The following MACF1 variants were observed in gnomAD, a reference collection of about 807,000 sequenced individuals.
The protein encoded by MACF1 is microtubule-actin cross-linking factor 1.
A neutral mutation model predicts 854.8 loss-of-function variants in MACF1; 193 were observed. The ratio of observed to expected loss-of-function variants is 0.23; its 90% CI spans 0.20 to 0.25. The LOEUF (loss-of-function observed/expected upper bound fraction) is 0.25, where lower values mean the gene tolerates loss of function less well. Ranked by LOEUF, MACF1 falls within the 10% of genes least tolerant of loss-of-function variation. The pLI, the probability that MACF1 is intolerant of heterozygous loss-of-function variation, is 1.00. For missense variants in MACF1, 7,722 were observed against 8,929.1 expected, an observed-to-expected ratio of 0.86 and a Z score of 5.45; for synonymous variants, 3,185 against 3,226.7, an observed-to-expected ratio of 0.99 and a Z score of 0.44.
chr1:39,319,490 C>G (rs944602572), intron 30 of MACF1, among the ~76,000 whole-genome samples, 174 bp from the exon 31 acceptor site: 1 of 152,272 alleles, frequency 6.6e-6, no homozygotes, highest in African/African-American at 2.4e-5. Context: ...TGAACCCAAA[C>G]CCACTGAACC....
At chr1:39,413,016 T>C (rs1187620288) in intron 58 of MACF1, 2 of 1,583,280 alleles carry the variant, frequency 1.3e-6, no homozygotes, top group Non-Finnish European at 8.6e-7. Flanking sequence ...TATCTGTCCC[T>C]GAAGGGACTG....
intron 82 of MACF1, 27 bp downstream of exon 82, chr1:39,447,925 T>C: frequency 1.2e-6 from 2 of 1,613,102 alleles, no homozygotes; most frequent in Non-Finnish European, 1.7e-6. Flanking sequence ...AGATACTAAT[T>C]CACTGAAGAG....
chr1:39,267,792 C>T (rs1445706745), intron 6 of MACF1, among the ~76,000 whole-genome samples: 1 of 152,162 alleles, frequency 6.6e-6, no homozygotes, highest in East Asian at 1.9e-4. Context: ...CACTCATTTA[C>T]TGTACTCAAA....
intron 2 of MACF1, among the ~76,000 whole-genome samples, chr1:39,238,670 G>A (rs1053578600): frequency 1.3e-5 from 2 of 152,206 alleles, no homozygotes; most frequent in Non-Finnish European, 1.5e-5. Context: ...GAAGCTCAGG[G>A]AGGGAGAAGC....
chr1:39,360,829 G>T lies in MACF1; in HGVS notation c.12281G>T (p.Ser4094Ile), dbSNP rs1324543243. 1.9e-6 allele frequency: 3 copies of T among 1,613,704 alleles called. No individual in the cohort carries two copies. The highest frequency in any genetic ancestry group is 1.7e-5 in the Admixed American group (1 of 59,964). Residue 4094 changes from serine to isoleucine, a missense_variant, in exon 48 of 101, where the codon AGC (serine) becomes ATC (isoleucine). Coordinates refer to ENST00000564288, the MANE Select transcript of MACF1 (RefSeq NM_001394062.1). ...ILSHFQSLSY[S>I]LAERSSLLQK... ...AGCCACTTCCAAAGCCTCTCCTATA[G>T]CCTGGCTGAGCGATCTTCTCTGCTG...
Position 39,472,399 on chromosome 1 carries a change from C to G in MACF1, c.21958+2784C>G, listed in dbSNP as rs867877987. Among the ~76,000 whole-genome samples the G allele has an allele frequency of 2.0e-5, 3 of 152,250 alleles. No individual in the cohort carries two copies. The South Asian group carries it at 6.2e-4, about 32-fold the overall frequency. On this transcript the variant is annotated intron_variant, in intron 97 of 100. Transcript: ENST00000564288. ...CTCCAGAAATCAATTTTCACAGCTT[C>G]CAACTGTTTATTGTTTGTTGTCGCC...
chr1:39,411,620 C>T, intron 58 of MACF1: 2 of 1,613,820 alleles, frequency 1.2e-6, no homozygotes, highest in Non-Finnish European at 1.7e-6. Context: ...ACTGTGGGTA[C>T]TATTGATGCA....
intron 34 of MACF1, 25 bp from the exon 35 acceptor site, chr1:39,324,621 T>G: frequency 6.4e-7 from 1 of 1,569,932 alleles, no homozygotes. Context: ...TTTTGAAGCT[T>G]TTTCTCTTTA....
intron 49 of MACF1, among the ~76,000 whole-genome samples, chr1:39,362,880 G>A (rs563600781): frequency 2.0e-4 from 31 of 152,172 alleles, no homozygotes; most frequent in African/African-American, 7.0e-4. Context: ...TAGTCTCAAC[G>A]CAACACCATA....
chr1:39,302,540 G>A (rs367572524), intron 22 of MACF1, among the ~76,000 whole-genome samples: 268 of 152,268 alleles, frequency 1.8e-3, no homozygotes, highest in African/African-American at 5.8e-3. Context: ...TGGGATGATA[G>A]GAAGTAGGGA....
At chr1:39,303,887 AAAG>A (rs1646107490) in intron 23 of MACF1, among the ~76,000 whole-genome samples, 2 of 152,026 alleles carry the variant, frequency 1.3e-5, no homozygotes, top group Admixed American at 6.6e-5. Context: ...AAAAAAAAAA[AAAG>A]GTTGATTTTT....
chr1:39,264,662 C>CTTTTTTT (rs35145613), intron 6 of MACF1, among the ~76,000 whole-genome samples: 1 of 81,646 alleles, frequency 1.2e-5, no homozygotes, highest in African/African-American at 4.5e-5. Context: ...GATAGGATTT[C>CTTTTTTT]TTTTTTTTTT....
At chr1:39,215,599 G>C (rs911531440) in intron 1 of MACF1, among the ~76,000 whole-genome samples, 8 of 152,088 alleles carry the variant, frequency 5.3e-5, no homozygotes, top group Non-Finnish European at 1.2e-4. Context: ...CTACTTCCTG[G>C]GGAACTTCTT....
Position 39,486,255 on chromosome 1 carries a change from G to A in MACF1, c.*461G>A, listed in dbSNP as rs1297430538. On this transcript the variant is annotated 3_prime_UTR_variant, in exon 101 of 101. Coordinates refer to ENST00000564288, the MANE Select transcript of MACF1 (RefSeq NM_001394062.1). ...AGGAACTCTTTTTTTGTAAATCACG[G>A]ACACCTCAATTAGCAAGAACTGAGG... 1 of 152,644 alleles carries A rather than the reference G, an allele frequency of 6.6e-6. No homozygotes were observed. The highest frequency in any genetic ancestry group is 2.4e-5 in the African/African-American group (1 of 41,426). The allele number at this position is 152,644 out of a possible 1,614,324, so 9.5% of individuals were successfully genotyped here.
chr1:39,342,811 C>T (rs1646965563), intron 40 of MACF1, among the ~76,000 whole-genome samples: 1 of 152,042 alleles, frequency 6.6e-6, no homozygotes, highest in Admixed American at 6.5e-5. Context: ...TGAGCCACCG[C>T]GTCTGGCCAG....
At chr1:39,459,042 A>G (rs184541644) in intron 90 of MACF1, 44 bp from the exon 91 acceptor site, 1 of 1,542,076 alleles carries the variant, frequency 6.5e-7, no homozygotes, top group Non-Finnish European at 8.8e-7. Context: ...TTCTCTTTGT[A>G]TACTAACCAG....
chr1:39,317,216 C>CTGG lies in MACF1; in HGVS notation c.3592_3594dup (p.Trp1198dup). ...TTTCTGTACTTATGTTTCCACAGCA[C>CTGG]TGGCTTAGTGATGTGAAGGACAAGA... On this transcript the variant is annotated inframe_insertion, in exon 29 of 101. Coordinates refer to ENST00000564288, the MANE Select transcript of MACF1 (RefSeq NM_001394062.1). 6.2e-7 allele frequency: 1 copy of CTGG among 1,613,604 alleles called. No individual in the cohort carries two copies. The highest frequency in any genetic ancestry group is 8.5e-7 in the Non-Finnish European group (1 of 1,179,818).
chr1:39,324,267 G>T lies in MACF1; in HGVS notation c.4311G>T (p.Ala1437=), dbSNP rs1225635683. 6.2e-7 allele frequency: 1 copy of T among 1,613,876 alleles called. No individual in the cohort carries two copies. The highest frequency in any genetic ancestry group is 2.2e-5 in the East Asian group (1 of 44,846). ...TTTTGGGCTGGGTGTCTACCCTAGC[G>T]AGGAATACACAAGGAAAAGCTACCT... is the stretch of plus-strand genomic sequence containing the variant. ...KELLGWVSTL[A]RNTQGKATSS... The change falls in exon 34 of 101, where the codon GCG becomes GCT. Residue 1437 remains alanine (A), a synonymous_variant. Coordinates refer to ENST00000564288, the MANE Select transcript of MACF1 (RefSeq NM_001394062.1).
Position 39,441,055 on chromosome 1 carries a change from T to C in MACF1, c.18500T>C (p.Ile6167Thr). ...CATGAAGAGCTGGAGTTTATTCGGATCCTTGGAGCAGATTTGATTTTTGCC... is the reference window on the plus strand; with the variant it reads ...CATGAAGAGCTGGAGTTTATTCGGACCCTTGGAGCAGATTTGATTTTTGCC... ...GLHEELEFIRILGADLIFACG... is the reference protein window; with the variant it reads ...GLHEELEFIRTLGADLIFACG... Residue 6167 changes from isoleucine (I) to threonine (T), a missense_variant, in exon 73 of 101, where the codon ATC (isoleucine) becomes ACC (threonine). Ile to Thr is a moderately conservative substitution (Grantham distance 89). This residue lies in a region of MACF1 where 2,807 missense variants were observed against 3,235.8 expected (regional missense o/e 0.87). Coordinates refer to ENST00000564288, the MANE Select transcript of MACF1 (RefSeq NM_001394062.1). 6.2e-7 allele frequency: 1 copy of C among 1,614,192 alleles called. No homozygotes were observed. Among genetic ancestry groups the C allele is most frequent in the Non-Finnish European group, 8.5e-7 (1 of 1,180,032 alleles).
Sources: gnomAD v4.1 joint callset for allele counts (sites outside exome capture counted in the v4.1 genomes callset) on GRCh38, gnomAD v4.1.1 for gene constraint, gnomAD v4.1.1 regional missense constraint, MANE v1.5 for transcripts, NCBI Gene and HGNC (gene_info 2026-07-23, HGNC 2026-07-21) for gene names.